Variants in ANOS1 observed in about 807,000 individuals in gnomAD.
ANOS1 encodes anosmin 1.
In ANOS1, 6 loss-of-function variants were observed where a neutral mutation model predicts 59.0. That is an observed-to-expected ratio of 0.10 (90% confidence interval 0.06 to 0.20). The LOEUF (loss-of-function observed/expected upper bound fraction) is 0.20. Among genes scored for constraint, ANOS1 ranks in the 10% least tolerant of loss-of-function variants. The pLI is 1.00. For missense variants in ANOS1, 433 were observed against 542.3 expected (o/e 0.80, Z 2.00); for synonymous variants, 217 against 223.4 (o/e 0.97, Z 0.25).
At chrX:8,631,074 C>G (rs756179623) in intron 2 of ANOS1, among the ~76,000 whole-genome samples, 1 of 111,627 alleles carries the variant, frequency 9.0e-6, no homozygotes, top group Non-Finnish European at 1.9e-5. Flanking sequence ...GTCACCAAGA[C>G]GAAGGAAGAA....
Position 8,685,659 on chromosome X carries a change from A to AG in ANOS1, c.255+14038_255+14039insC, listed in dbSNP as rs1569082686. Among the ~76,000 whole-genome samples the AG allele has an allele frequency of 9.6e-4, 99 of 102,797 alleles. No individual in the cohort carries two copies. The East Asian group carries it at 0.011, about 11-fold the overall frequency. 89.3% of individuals were successfully genotyped at this position (102,797 alleles called of 115,157 possible). On this transcript the variant is annotated intron_variant, in intron 2 of 13. Coordinates refer to ENST00000262648, the MANE Select transcript of ANOS1 (RefSeq NM_000216.4). ...AAGAAAGAAAGAAAGAAAGAAAGAA[A>AG]AAGAAAGGAAGGAAGGAGGGAGGAA... is the stretch of plus-strand genomic sequence containing the variant.
At chrX:8,639,759 AC>A (rs1931628899) in intron 2 of ANOS1, among the ~76,000 whole-genome samples, 1 of 112,338 alleles carries the variant, frequency 8.9e-6, no homozygotes, top group Non-Finnish European at 1.9e-5. Flanking sequence ...AATAGAGGAT[AC>A]TAAATATTTT....
At chrX:8,619,625 A>T (rs1601984266) in intron 3 of ANOS1, among the ~76,000 whole-genome samples, 1 of 112,007 alleles carries the variant, frequency 8.9e-6, no homozygotes, top group Admixed American at 9.5e-5. Context: ...AAAGAAAAAG[A>T]AGAAGACATT....
Position 8,568,163 on chromosome X carries a change from T to C in ANOS1, c.1207+69A>G, listed in dbSNP as rs1040620243. 30 of 1,068,081 alleles carry C rather than the reference T, an allele frequency of 2.8e-5. No homozygotes were observed. In the East Asian group the frequency reaches 9.2e-4, roughly 33 times the overall value. The allele number at this position is 1,068,081 out of a possible 1,213,427, so 88.0% of individuals were successfully genotyped here. A position where few individuals can be genotyped will look rare whatever the true frequency, so the allele number is the denominator to read the frequency against. On this transcript the variant is annotated intron_variant, in intron 8 of 13. Transcript: ENST00000262648. Reference sequence around the variant, plus strand: ...AAATCAAAAACTCACTCTCCCTCCATTGTGCCTTGTTGTGATATGGCGCCC... The same window carrying C: ...AAATCAAAAACTCACTCTCCCTCCACTGTGCCTTGTTGTGATATGGCGCCC...
At chrX:8,726,006 T>C (rs1314960181) in intron 1 of ANOS1, among the ~76,000 whole-genome samples, 2 of 109,938 alleles carry the variant, frequency 1.8e-5, no homozygotes, top group Non-Finnish European at 3.8e-5. Context: ...AAGACCAAAC[T>C]GCATCGAGTC....
intron 5 of ANOS1, 30 bp downstream of exon 5, chrX:8,587,764 T>C (rs1299984815): frequency 8.7e-7 from 1 of 1,155,743 alleles, no homozygotes; most frequent in Admixed American, 2.3e-5. Flanking sequence ...ACCTCCAGGA[T>C]GAAAATCAAA....
At chrX:8,731,143 C>T (rs1258517072) in intron 1 of ANOS1, among the ~76,000 whole-genome samples, 7 of 112,453 alleles carry the variant, frequency 6.2e-5, no homozygotes. Context: ...TCCCCTGTCC[C>T]CGGCACTTCT....
In ANOS1 at chrX:8,553,952, C is replaced by T. The variant is rs1569046853; in HGVS notation, c.1354G>A (p.Asp452Asn). 1.7e-6 allele frequency: 2 copies of T among 1,205,769 alleles called. No individual in the cohort carries two copies. Among genetic ancestry groups the T allele is most frequent in the Non-Finnish European group, 2.2e-6 (2 of 890,387 alleles). Residue 452 changes from aspartate (D) to asparagine (N), a missense_variant and splice_region_variant, in exon 9 of 14, where the codon GAT becomes AAT. Physicochemically the swap from Asp to Asn is conservative, Grantham distance 23 (BLOSUM62 1). Coordinates refer to ENST00000262648, the MANE Select transcript of ANOS1 (RefSeq NM_000216.4). The part of the protein sequence containing the change: ...QVKVYWKKTE[D>N]PTVNRYHVRW... ...AAATAAGTAAGTAATGTTTATGTACCTTCTGTCTTCTTCCAGTAGACTTTA... is the reference window on the plus strand; with the variant it reads ...AAATAAGTAAGTAATGTTTATGTACTTTCTGTCTTCTTCCAGTAGACTTTA...
intron 3 of ANOS1, among the ~76,000 whole-genome samples, chrX:8,607,743 A>T (rs1209439164): frequency 8.9e-6 from 1 of 111,846 alleles, no homozygotes; most frequent in East Asian, 2.8e-4. Context: ...CCATTTATAT[A>T]CTGATTTATA....
At chrX:8,560,882 T>C (rs1019553461) in intron 8 of ANOS1, among the ~76,000 whole-genome samples, 1 of 112,610 alleles carries the variant, frequency 8.9e-6, no homozygotes, top group African/African-American at 3.2e-5. Flanking sequence ...TACATAGAAA[T>C]TCTGCCCTTT....
chrX:8,640,609 T>C (rs1424738564), intron 2 of ANOS1, among the ~76,000 whole-genome samples: 1 of 104,621 alleles, frequency 9.6e-6, no homozygotes, highest in Non-Finnish European at 1.9e-5. Context: ...AAAAAAAAAC[T>C]GTTGGAAAGG....
intron 1 of ANOS1, among the ~76,000 whole-genome samples, chrX:8,720,836 G>A (rs1469098283): frequency 8.9e-6 from 1 of 111,761 alleles, no homozygotes; most frequent in Non-Finnish European, 1.9e-5. Flanking sequence ...GGTTGAGGGA[G>A]GATTTCTTGA....
At chrX:8,645,543 CTCT>C (rs1403114012) in intron 2 of ANOS1, among the ~76,000 whole-genome samples, 1 of 112,047 alleles carries the variant, frequency 8.9e-6, no homozygotes, top group African/African-American at 3.2e-5. Flanking sequence ...TATTTCTCCA[CTCT>C]TCTTCTGAAT....
rs184660208 is a variant in ANOS1, at chrX:8,674,739, A to C, written c.255+24959T>G. Among the ~76,000 whole-genome samples, 5 of 112,659 alleles carry C rather than the reference A, an allele frequency of 4.4e-5. No homozygotes were observed. The East Asian group carries it at 1.4e-3, about 32-fold the overall frequency. The stretch of plus-strand genomic sequence containing the variant: ...TGCTTTAAGATCTTAGGGAAACAGA[A>C]GGTTAAAATGATAAGCATGGAACTG... On this transcript the variant is annotated intron_variant, in intron 2 of 13. Transcript: ENST00000262648.
chrX:8,541,796 T>C (rs371013955), intron 9 of ANOS1, among the ~76,000 whole-genome samples: 5,972 of 68,493 alleles, frequency 0.087, 289 homozygotes, highest in Middle Eastern at 0.16. Context: ...TTGGGCAGCT[T>C]AAATGCTCTA....
chrX:8,571,521 A>T (rs1445398419), intron 6 of ANOS1, among the ~76,000 whole-genome samples: 1 of 111,652 alleles, frequency 9.0e-6, no homozygotes, highest in Non-Finnish European at 1.9e-5. Flanking sequence ...AAATATAAAA[A>T]CCTGCACCAT....
intron 2 of ANOS1, among the ~76,000 whole-genome samples, chrX:8,693,062 C>G (rs774314586): frequency 1.8e-5 from 2 of 112,416 alleles, no homozygotes; most frequent in Non-Finnish European, 3.7e-5. Context: ...TGACTAAACA[C>G]CAGGGCATCT....
chrX:8,666,859 C>G (rs1036716410), intron 2 of ANOS1, among the ~76,000 whole-genome samples: 5 of 111,744 alleles, frequency 4.5e-5, no homozygotes, highest in African/African-American at 9.8e-5. Flanking sequence ...ACACAACTCA[C>G]TTCACCTTGT....
intron 1 of ANOS1, among the ~76,000 whole-genome samples, chrX:8,706,316 G>C (rs1932779687): frequency 8.9e-6 from 1 of 112,212 alleles, no homozygotes; most frequent in Non-Finnish European, 1.9e-5. Flanking sequence ...CAATGGAACT[G>C]AACATTTGAA....
Sources: gnomAD v4.1 joint callset for allele counts (sites outside exome capture counted in the v4.1 genomes callset) on GRCh38, gnomAD v4.1.1 for gene constraint, MANE v1.5 for transcripts, NCBI Gene and HGNC (gene_info 2026-07-23, HGNC 2026-07-21) for gene names.